The following DSC1 variants were observed in gnomAD, a reference collection of about 807,000 sequenced individuals.
The protein encoded by DSC1 is desmocollin 1.
DSC1 carries 79 observed loss-of-function variants against 98.8 expected under a neutral mutation model. That is an observed-to-expected ratio of 0.80 (90% CI 0.67 to 0.96). The LOEUF (loss-of-function observed/expected upper bound fraction) is 0.96, where lower values mean the gene tolerates loss of function less well. Ranked by LOEUF, DSC1 falls within the 50% of genes least tolerant of loss-of-function variation. The pLI, the probability that DSC1 is intolerant of heterozygous loss-of-function variation, is 0.00. For missense variants in DSC1, 1,115 were observed against 1,075.9 expected (o/e 1.04, Z -0.51); for synonymous variants, 405 against 372.1 (o/e 1.09, Z -1.02).
intron 1 of DSC1, 52 bp downstream of exon 1, chr18:31,162,480 G>A (rs368466020): frequency 9.0e-6 from 14 of 1,551,710 alleles, no homozygotes; most frequent in Non-Finnish European, 1.2e-5. Flanking sequence ...ACTGCAGAGA[G>A]GAAGCAGGTA....
intron 9 of DSC1, 34 bp from the exon 10 acceptor site, chr18:31,140,335 A>G (rs1197345581): frequency 1.3e-6 from 2 of 1,575,574 alleles, no homozygotes; most frequent in East Asian, 4.7e-5. Context: ...AAGTCAATAT[A>G]TAACATTATA....
rs1350370824 is a variant in DSC1, at chr18:31,148,491, A to T, written c.772+7T>A. ...TCTTGTCATGCTACAATAAAATGTGAACTTACCGGATCGGCAATTTTCAGG... is the reference window on the plus strand; with the variant it reads ...TCTTGTCATGCTACAATAAAATGTGTACTTACCGGATCGGCAATTTTCAGG... On this transcript the variant is annotated splice_region_variant and intron_variant, in intron 6 of 15. Coordinates refer to ENST00000257198, the MANE Select transcript of DSC1 (RefSeq NM_024421.2). 2 of 1,588,982 alleles carry T rather than the reference A, an allele frequency of 1.3e-6. No individual in the cohort carries two copies. Among genetic ancestry groups the T allele is most frequent in the South Asian group, 2.3e-5 (2 of 88,168 alleles).
At position 31,162,637 on chromosome 18, in the gene DSC1, G is replaced by A. The variant is rs756313242; in HGVS notation, c.-43C>T. 6 of 1,588,374 alleles carry A rather than the reference G, an allele frequency of 3.8e-6. No individual in the cohort carries two copies. The highest frequency in any genetic ancestry group is 4.3e-6 in the Non-Finnish European group (5 of 1,156,946). ...GCCAGGGACGGTGGCCAGATAACAG[G>A]GCAGCCTGGGATGCACAGAGCGGCT... On this transcript the variant is annotated 5_prime_UTR_variant, in exon 1 of 16. Coordinates refer to ENST00000257198, the MANE Select transcript of DSC1 (RefSeq NM_024421.2).
intron 11 of DSC1, among the ~76,000 whole-genome samples, chr18:31,137,936 C>G (rs762866169): frequency 6.7e-6 from 1 of 149,138 alleles, no homozygotes; most frequent in Non-Finnish European, 1.5e-5. Flanking sequence ...AGATCATCAT[C>G]CAGGAATAAT....
At chr18:31,160,209 A>G (rs1989183814) in intron 1 of DSC1, among the ~76,000 whole-genome samples, 1 of 152,230 alleles carries the variant, frequency 6.6e-6, no homozygotes, top group Admixed American at 6.5e-5. Context: ...TCAAAGACAT[A>G]GACACTATCT....
chr18:31,132,248 G>A (rs1398388320), intron 14 of DSC1: 9 of 352,824 alleles, frequency 2.6e-5, no homozygotes, highest in African/African-American at 4.2e-5. Context: ...GCAGAAGCTA[G>A]GAGAGAGTCC....
chr18:31,150,178 TACCATCACCACCATCATCATCACCAC>T (rs1988938199), intron 5 of DSC1, among the ~76,000 whole-genome samples: 1 of 60,174 alleles, frequency 1.7e-5, no homozygotes. Flanking sequence ...TCACCACCAC[TACCATCACCACCATCATCATCACCAC>T]CACCACCACC....
At chr18:31,153,215 G>A (rs539469627) in intron 5 of DSC1, among the ~76,000 whole-genome samples, 1 of 152,168 alleles carries the variant, frequency 6.6e-6, no homozygotes, top group African/African-American at 2.4e-5. Context: ...CAATTCCTCA[G>A]CAAAATTGAA....
chr18:31,156,751 G>C (rs2143930252), intron 3 of DSC1, among the ~76,000 whole-genome samples: 1 of 152,288 alleles, frequency 6.6e-6, no homozygotes, highest in South Asian at 2.1e-4. Context: ...ATTCATTGTG[G>C]TGAATTTGCT....
chr18:31,141,927 A>G, intron 9 of DSC1, 72 bp downstream of exon 9: 1 of 1,442,172 alleles, frequency 6.9e-7, no homozygotes, highest in South Asian at 1.4e-5. Flanking sequence ...TATACATATA[A>G]GAATTATCTC....
At chr18:31,142,268 A>G in intron 8 of DSC1, 84 bp from the exon 9 acceptor site, 1 of 1,441,396 alleles carries the variant, frequency 6.9e-7, no homozygotes, top group Non-Finnish European at 9.4e-7. Flanking sequence ...TAAAGAAAAA[A>G]ATAAATAAAG....
At chr18:31,160,320 A>C (rs1187337536) in intron 1 of DSC1, among the ~76,000 whole-genome samples, 1 of 152,156 alleles carries the variant, frequency 6.6e-6, no homozygotes, top group Non-Finnish European at 1.5e-5. Context: ...CTCTTTATCA[A>C]AATAACTGCT....
chr18:31,157,811 C>T (rs1413979445), intron 2 of DSC1, among the ~76,000 whole-genome samples: 1 of 152,132 alleles, frequency 6.6e-6, no homozygotes, highest in African/African-American at 2.4e-5. Flanking sequence ...AAATATTTTC[C>T]TAGTGTCACT....
rs77425259 is a variant in DSC1 at position 31,143,951 on chromosome 18, C to T, written c.940-160G>A. Reference sequence around the variant, plus strand: ...ATTTGAGATGGGGTCTCACTGTCACCCAGGCTGGAGTGCAGTGGCATGATC... The same window carrying T: ...ATTTGAGATGGGGTCTCACTGTCACTCAGGCTGGAGTGCAGTGGCATGATC... On this transcript the variant is annotated intron_variant, in intron 7 of 15. Coordinates refer to ENST00000257198, the MANE Select transcript of DSC1 (RefSeq NM_024421.2). Among the ~76,000 whole-genome samples the T allele has an allele frequency of 6.9e-4, 105 of 151,918 alleles. 3 individuals are homozygous for T. In the East Asian group the frequency reaches 0.019, roughly 28 times the overall value.
intron 9 of DSC1, 39 bp from the exon 10 acceptor site, chr18:31,140,340 A>G: frequency 6.4e-7 from 1 of 1,552,952 alleles, no homozygotes; most frequent in Non-Finnish European, 8.8e-7. Context: ...AATATATAAC[A>G]TTATATATAA....
At chr18:31,152,392 G>A (rs985964864) in intron 5 of DSC1, among the ~76,000 whole-genome samples, 1 of 151,966 alleles carries the variant, frequency 6.6e-6, no homozygotes, top group Admixed American at 6.6e-5. Flanking sequence ...TAGACCTATG[G>A]CTACTACTCC....
chr18:31,156,039 G>A lies in DSC1; in HGVS notation c.471+4C>T. The A allele has an allele frequency of 6.2e-7, 1 of 1,609,144 alleles. No individual in the cohort carries two copies. Among genetic ancestry groups the A allele is most frequent in the South Asian group, 1.1e-5 (1 of 89,630 alleles). On this transcript the variant is annotated splice_donor_region_variant and intron_variant, in intron 4 of 15. Coordinates refer to ENST00000257198, the MANE Select transcript of DSC1 (RefSeq NM_024421.2). The stretch of plus-strand genomic sequence containing the variant: ...ACATATAAAATCAAATAAGTGAAAT[G>A]CACCTGCTGAACGTGTTGTGGAAAT...
intron 4 of DSC1, among the ~76,000 whole-genome samples, chr18:31,155,522 C>T (rs903159717): frequency 2.6e-5 from 4 of 152,028 alleles, no homozygotes; most frequent in Non-Finnish European, 4.4e-5. Flanking sequence ...CCCAGCAACT[C>T]GGGAGGTTGA....
In DSC1 at chr18:31,162,802, G is replaced by A; in HGVS notation, c.-208C>T. On this transcript the variant is annotated 5_prime_UTR_variant, in exon 1 of 16. Transcript: ENST00000257198. The stretch of plus-strand genomic sequence containing the variant: ...TTTCTTTCCCCCTATTCCCTGGCCA[G>A]TCTCCTTCCTTCCAGTTCAATTACG... 1 of 555,436 alleles carries A rather than the reference G, an allele frequency of 1.8e-6. No homozygotes were observed. Among genetic ancestry groups the A allele is most frequent in the Non-Finnish European group, 3.2e-6 (1 of 310,534 alleles). 34.4% of individuals were successfully genotyped at this position (555,436 alleles called of 1,614,324 possible). A position where few individuals can be genotyped will look rare whatever the true frequency, so the allele number is the denominator to read the frequency against.
Sources: gnomAD v4.1 joint callset for allele counts (sites outside exome capture counted in the v4.1 genomes callset) on GRCh38, gnomAD v4.1.1 for gene constraint, MANE v1.5 for transcripts, NCBI Gene and HGNC (gene_info 2026-07-23, HGNC 2026-07-21) for gene names.